The following LAMA3 variants were observed in gnomAD, a reference collection of about 807,000 sequenced individuals.
LAMA3 encodes the protein laminin subunit alpha 3, also known as laminin subunit alpha-3.
A neutral mutation model predicts 402.0 loss-of-function variants in LAMA3; 281 were observed. The observed-to-expected ratio is 0.70, with a 90% confidence interval of 0.63 to 0.77. The LOEUF is 0.77. Among genes scored for constraint, LAMA3 ranks in the 30% least tolerant of loss-of-function variants. The pLI, the probability that LAMA3 is intolerant of heterozygous loss-of-function variation, is 0.00. For missense variants in LAMA3, 3,840 were observed against 4,215.5 expected (o/e 0.91, Z 2.47); for synonymous variants, 1,431 against 1,558.4 (o/e 0.92, Z 1.93).
At chr18:23,867,740 T>C (rs1200855146) in intron 36 of LAMA3, 94 bp from the exon 37 acceptor site, 2 of 954,010 alleles carry the variant, frequency 2.1e-6, no homozygotes, top group African/African-American at 3.2e-5. Context: ...GTATGTCATA[T>C]GATGTAGACC....
intron 39 of LAMA3, among the ~76,000 whole-genome samples, chr18:23,877,600 C>G (rs1175135095): frequency 6.6e-6 from 1 of 152,082 alleles, no homozygotes; most frequent in Admixed American, 6.5e-5. Flanking sequence ...TCACCGTGGC[C>G]CAGGGAACTG....
At position 23,904,556 on chromosome 18, in the gene LAMA3, C is replaced by G; in HGVS notation, c.6477C>G (p.Ile2159Met). ...GCTAACCTGCCCTGTCTTCCAGGAT[C>G]AAGAGAAACGCCAGCGGGGATGAGC... ...LQELAKQLEE[I>M]KRNASGDELV... The change falls in exon 51 of 75, where the codon ATC becomes ATG. Residue 2159 changes from isoleucine (I) to methionine (M), a missense_variant. Physicochemically the swap from Ile to Met is conservative, Grantham distance 10. This residue lies in a region of LAMA3 where 891 missense variants were observed against 857.5 expected (regional missense o/e 1.04). Transcript: ENST00000313654. 1.3e-6 allele frequency: 2 copies of G among 1,590,840 alleles called. No individual in the cohort carries two copies. Among genetic ancestry groups the G allele is most frequent in the Non-Finnish European group, 1.7e-6 (2 of 1,168,556 alleles).
At chr18:23,728,946 G>A (rs933103409) in intron 2 of LAMA3, among the ~76,000 whole-genome samples, 1 of 149,844 alleles carries the variant, frequency 6.7e-6, no homozygotes, top group African/African-American at 2.5e-5. Context: ...CGGGGTAATC[G>A]CTTGAACCCG....
At chr18:23,944,949 A>G (rs1223682076) in intron 69 of LAMA3, among the ~76,000 whole-genome samples, 1 of 152,202 alleles carries the variant, frequency 6.6e-6, no homozygotes, top group African/African-American at 2.4e-5. Flanking sequence ...CCCGACCAAC[A>G]TGGTGAAACC....
At position 23,847,631 on chromosome 18, in the gene LAMA3, G is replaced by C. The variant is rs1473386960; in HGVS notation, c.4099G>C (p.Ala1367Pro). ...TTCCAGGAGGGGCACCATCGAGGCT[G>C]CCATGCCGGAGTGTGACCGGGACAG... Reference protein sequence around the residue: ...NCSRRGTIEAAMPECDRDSGQ... With the variant: ...NCSRRGTIEAPMPECDRDSGQ... The change falls in exon 32 of 75, where the codon GCC (alanine) becomes CCC (proline). Residue 1367 changes from alanine to proline, a missense_variant. Ala to Pro is a conservative substitution (Grantham distance 27, BLOSUM62 -1). Transcript: ENST00000313654. 6 of 1,613,970 alleles carry C rather than the reference G, an allele frequency of 3.7e-6. No homozygotes were observed. Among genetic ancestry groups the C allele is most frequent in the Non-Finnish European group, 5.1e-6 (6 of 1,180,002 alleles).
intron 12 of LAMA3, among the ~76,000 whole-genome samples, chr18:23,794,677 A>T (rs2062728035): frequency 6.6e-6 from 1 of 152,168 alleles, no homozygotes; most frequent in African/African-American, 2.4e-5. Flanking sequence ...GTGCAGGGAG[A>T]CAGTCACCCA....
rs890276586 is a variant in LAMA3, at chr18:23,905,693, C to T, written c.6718+69C>T. ...AAATGACCTCTGGGACCAGGTGGGG[C>T]AGCCCTAGAAGCAAATGTTGTTTTT... is the stretch of plus-strand genomic sequence containing the variant. On this transcript the variant is annotated intron_variant, in intron 52 of 74. Coordinates refer to ENST00000313654, the MANE Select transcript of LAMA3 (RefSeq NM_198129.4). 4 of 850,158 alleles carry T rather than the reference C, an allele frequency of 4.7e-6. No individual in the cohort carries two copies. In the Admixed American group the frequency reaches 5.2e-5, roughly 11 times the overall value. 52.7% of individuals were successfully genotyped at this position (850,158 alleles called of 1,614,324 possible). A position where few individuals can be genotyped will look rare whatever the true frequency, so the allele number is the denominator to read the frequency against.
At chr18:23,760,146 T>G (rs9946648) in intron 7 of LAMA3, among the ~76,000 whole-genome samples, 8,900 of 152,154 alleles carry the variant, frequency 0.058, 565 homozygotes, top group Admixed American at 0.17. Context: ...CTCCAACACA[T>G]ACAAAAAAAA....
chr18:23,881,576 T>C (rs1221947922), intron 39 of LAMA3, among the ~76,000 whole-genome samples: 1 of 152,222 alleles, frequency 6.6e-6, no homozygotes, highest in Non-Finnish European at 1.5e-5. Context: ...AAAATTATAA[T>C]TGTATGTAAA....
intron 66 of LAMA3, chr18:23,932,607 T>A: frequency 2.9e-6 from 1 of 345,576 alleles, no homozygotes; most frequent in Non-Finnish European, 5.6e-6. Flanking sequence ...GATTGTGCAA[T>A]TAGATTTAAT....
rs1324142306 is a variant in LAMA3, at chr18:23,918,927, A to G, written c.7924-2008A>G. On this transcript the variant is annotated intron_variant, in intron 60 of 74. Transcript: ENST00000313654. This position sits in a 1 kb window ranked among gnomAD's most constrained non-coding sequence, Gnocchi z 4.1. ...GCTGGACCAGTTCTGATGGTTTGGGAAGGTCCCAGCCAGCCTGAAGGATAC... is the reference window on the plus strand; with the variant it reads ...GCTGGACCAGTTCTGATGGTTTGGGGAGGTCCCAGCCAGCCTGAAGGATAC... Among the ~76,000 whole-genome samples, 2 of 152,116 alleles carry G rather than the reference A, an allele frequency of 1.3e-5. No homozygotes were observed. Among genetic ancestry groups the G allele is most frequent in the Non-Finnish European group, 2.9e-5 (2 of 68,008 alleles).
rs955384301 is a variant in LAMA3 at position 23,912,676 on chromosome 18, A to G, written c.7159-35A>G. ...TGAGCACACCTACTTTCTTCACAGG[A>G]CAGTGTTTGACACCATGTAACTTAC... On this transcript the variant is annotated intron_variant, in intron 55 of 74. Coordinates refer to ENST00000313654, the MANE Select transcript of LAMA3 (RefSeq NM_198129.4). The G allele has an allele frequency of 7.0e-6, 11 of 1,582,180 alleles. No individual in the cohort carries two copies. The East Asian group carries it at 2.2e-4, about 32-fold the overall frequency.
In LAMA3 at chr18:23,864,959, G is replaced by T; in HGVS notation, c.4683+76G>T. ...TGCTGATCTAAATTTAGGACATCTT[G>T]ATATGTGGCCTACAAAAAGTTTAGA... is the stretch of plus-strand genomic sequence containing the variant. On this transcript the variant is annotated intron_variant, in intron 36 of 74. Coordinates refer to ENST00000313654, the MANE Select transcript of LAMA3 (RefSeq NM_198129.4). 13 of 893,510 alleles carry T rather than the reference G, an allele frequency of 1.5e-5. No homozygotes were observed. The South Asian group carries it at 1.7e-4, about 12-fold the overall frequency. The allele number at this position is 893,510 out of a possible 1,614,324, so 55.3% of individuals were successfully genotyped here.
chr18:23,730,606 A>G (rs1036256243), intron 2 of LAMA3, among the ~76,000 whole-genome samples: 1 of 152,112 alleles, frequency 6.6e-6, no homozygotes, highest in Non-Finnish European at 1.5e-5. Context: ...ACCTCAGGTG[A>G]TCCGCCTGCC....
At chr18:23,878,403 G>C (rs2064791265) in intron 39 of LAMA3, among the ~76,000 whole-genome samples, 1 of 152,242 alleles carries the variant, frequency 6.6e-6, no homozygotes, top group Non-Finnish European at 1.5e-5. Flanking sequence ...GGCAGGTACT[G>C]AGCTAAGTGC....
intron 38 of LAMA3, 110 bp downstream of exon 38, chr18:23,871,771 G>A (rs1476251494): frequency 1.2e-6 from 1 of 848,036 alleles, no homozygotes; most frequent in South Asian, 1.4e-5. Flanking sequence ...TTGTTTCTCT[G>A]TTCAAGTTTC....
At chr18:23,740,864 G>A (rs1289698415) in intron 2 of LAMA3, among the ~76,000 whole-genome samples, 2 of 152,084 alleles carry the variant, frequency 1.3e-5, no homozygotes, top group African/African-American at 4.8e-5. Flanking sequence ...TTTCTGGAGT[G>A]ATCCACCTTC....
intron 12 of LAMA3, among the ~76,000 whole-genome samples, chr18:23,808,009 T>C (rs1262374472): frequency 2.6e-5 from 4 of 152,210 alleles, no homozygotes; most frequent in African/African-American, 9.7e-5. Flanking sequence ...TGTCCTTCTG[T>C]CTGCCAATAG....
intron 62 of LAMA3, among the ~76,000 whole-genome samples, chr18:23,924,162 T>G (rs966878016): frequency 1.3e-5 from 2 of 152,136 alleles, no homozygotes; most frequent in Non-Finnish European, 2.9e-5. Flanking sequence ...ATTTTCTTTC[T>G]TTTTTTGAGA....
Sources: gnomAD v4.1 joint callset for allele counts (sites outside exome capture counted in the v4.1 genomes callset) on GRCh38, gnomAD v4.1.1 for gene constraint, gnomAD v4.1.1 regional missense constraint, Gnocchi (gnomAD v3.1) non-coding constraint, MANE v1.5 for transcripts, NCBI Gene and HGNC (gene_info 2026-07-23, HGNC 2026-07-21) for gene names.